Variants in ELF4 observed in about 807,000 individuals in gnomAD.
The protein encoded by ELF4 is E74 like ETS transcription factor 4, also known as ETS-related transcription factor Elf-4.
In ELF4, 10 loss-of-function variants were observed where a neutral mutation model predicts 31.7. That is an observed-to-expected ratio of 0.32 (90% CI 0.19 to 0.54). The LOEUF (loss-of-function observed/expected upper bound fraction) is 0.54, where lower values mean the gene tolerates loss of function less well. ELF4 is among the 20% of genes least tolerant of loss of function. The pLI, the probability that ELF4 is intolerant of heterozygous loss-of-function variation, is 0.95. For synonymous variants in ELF4, 208 were observed against 226.7 expected, an observed-to-expected ratio of 0.92 and a Z score of 0.74; for missense variants, 418 against 522.0, an observed-to-expected ratio of 0.80 and a Z score of 1.94.
chrX:130,079,539 A>G (rs1357309599), intron 2 of ELF4, among the ~76,000 whole-genome samples: 1 of 111,772 alleles, frequency 8.9e-6, no homozygotes. Context: ...GCAGGAGAGA[A>G]CAGATTAAGT....
At chrX:130,071,686 T>G (rs1229471856) in intron 5 of ELF4, among the ~76,000 whole-genome samples, 2 of 112,866 alleles carry the variant, frequency 1.8e-5, no homozygotes, top group Non-Finnish European at 3.8e-5. Context: ...TAGCCTAACT[T>G]CTGATACGGA....
chrX:130,065,196 ATAATAGAGTTGTT>A lies in ELF4; in HGVS notation c.*1512_*1524del, dbSNP rs1244930591. On this transcript the variant is annotated 3_prime_UTR_variant, in exon 9 of 9. Transcript: ENST00000308167. ...GATTCACATTACCCAAAGTCACCAG[ATAATAGAGTTGTT>A]TCCGTGGCTGACATTTCTTAGCCTT... 1 of 173,736 alleles carries A rather than the reference ATAATAGAGTTGTT, an allele frequency of 5.8e-6. No homozygotes were observed. The highest frequency in any genetic ancestry group is 1.1e-5 in the Non-Finnish European group (1 of 91,061). The allele number at this position is 173,736 out of a possible 1,213,427, so 14.3% of individuals were successfully genotyped here. A position where few individuals can be genotyped will look rare whatever the true frequency, so the allele number is the denominator to read the frequency against.
chrX:130,109,378 A>G (rs760243245), intron 1 of ELF4, among the ~76,000 whole-genome samples: 1 of 113,178 alleles, frequency 8.8e-6, no homozygotes, highest in East Asian at 2.8e-4. Context: ...GCTAATTAAA[A>G]TAATTAGCCA....
intron 1 of ELF4, among the ~76,000 whole-genome samples, chrX:130,104,175 T>C (rs901905919): frequency 9.9e-5 from 11 of 110,885 alleles, no homozygotes; most frequent in Non-Finnish European, 1.9e-4. Flanking sequence ...TGAATGATGC[T>C]CAAGATGAAA....
chrX:130,111,361 C>A (rs185266056), upstream of ELF4, among the ~76,000 whole-genome samples: 2,355 of 112,866 alleles, frequency 0.021, 35 homozygotes, highest in African/African-American at 0.055. Context: ...CCCCTCGGCC[C>A]GTGCAAGTGG....
chrX:130,074,158 G>T lies in ELF4; in HGVS notation c.248-17C>A, dbSNP rs1244033270. The stretch of plus-strand genomic sequence containing the variant: ...CATTGTCATCTGGTCCGGGTTCCAT[G>T]GTGGGAGGAGAGAAGAAAAGTTCCC... On this transcript the variant is annotated splice_polypyrimidine_tract_variant and intron_variant, in intron 3 of 8. Transcript: ENST00000308167. 14 of 1,206,593 alleles carry T rather than the reference G, an allele frequency of 1.2e-5. No homozygotes were observed. The highest frequency in any genetic ancestry group is 1.6e-5 in the Non-Finnish European group (14 of 892,598).
chrX:130,080,046 G>C (rs1932872530), intron 2 of ELF4, among the ~76,000 whole-genome samples: 1 of 112,080 alleles, frequency 8.9e-6, no homozygotes. Flanking sequence ...TTAGAATAGA[G>C]AGCATCTGAG....
intron 1 of ELF4, among the ~76,000 whole-genome samples, chrX:130,094,672 G>A (rs926051285): frequency 5.4e-5 from 6 of 111,004 alleles, no homozygotes; most frequent in East Asian, 2.8e-4. Context: ...TCCAGATAGG[G>A]CCCCGCCGCC....
intron 4 of ELF4, among the ~76,000 whole-genome samples, chrX:130,072,748 A>G: frequency 8.9e-6 from 1 of 112,299 alleles, no homozygotes; most frequent in East Asian, 2.8e-4. Context: ...CTTAGAGATC[A>G]TGTAGCCCCA....
intron 1 of ELF4, among the ~76,000 whole-genome samples, chrX:130,082,390 G>A (rs1295277898): frequency 8.9e-6 from 1 of 111,815 alleles, no homozygotes; most frequent in African/African-American, 3.3e-5. Flanking sequence ...GTGGGTTTGT[G>A]TTCTTGGTTT....
intron 2 of ELF4, 80 bp downstream of exon 2, chrX:130,081,176 T>C (rs1032356217): frequency 1.2e-5 from 13 of 1,087,877 alleles, no homozygotes; most frequent in Admixed American, 2.2e-5. Flanking sequence ...GCCAGCTGGC[T>C]CCCTGGCTGT....
At chrX:130,068,010 C>T (rs1932729007) in intron 8 of ELF4, among the ~76,000 whole-genome samples, 1 of 111,447 alleles carries the variant, frequency 9.0e-6, no homozygotes, top group African/African-American at 3.3e-5. Flanking sequence ...CAGAGTTTCA[C>T]CATGTTGGCC....
chrX:130,076,789 G>A (rs1932838917), intron 2 of ELF4, among the ~76,000 whole-genome samples: 1 of 111,237 alleles, frequency 9.0e-6, no homozygotes, highest in African/African-American at 3.3e-5. Flanking sequence ...CTACTTTTTT[G>A]TATTTTCCAA....
intron 1 of ELF4, among the ~76,000 whole-genome samples, chrX:130,084,504 TCC>T (rs758020348): frequency 3.6e-5 from 4 of 112,001 alleles, no homozygotes; most frequent in Non-Finnish European, 7.5e-5. Context: ...CTTTTCTGTG[TCC>T]ACATATTGAG....
rs186442927 is a variant in ELF4 at position 130,087,089 on chromosome X, A to G, written c.-209-5550T>C. On this transcript the variant is annotated intron_variant, in intron 1 of 8. Coordinates refer to ENST00000308167, the MANE Select transcript of ELF4 (RefSeq NM_001421.4). The stretch of plus-strand genomic sequence containing the variant: ...AGTGACAAAGAGAACCTATTTCCCC[A>G]GCTGCTCTGAGAAGGCCAAAAGAGC... Among the ~76,000 whole-genome samples, 34 of 113,008 alleles carry G rather than the reference A, an allele frequency of 3.0e-4. No individual in the cohort carries two copies. In the Admixed American group the frequency reaches 3.1e-3, roughly 10 times the overall value.
At chrX:130,101,665 A>C (rs190376623) in intron 1 of ELF4, among the ~76,000 whole-genome samples, 1,122 of 109,635 alleles carry the variant, frequency 0.01, 12 homozygotes, top group African/African-American at 0.034. Flanking sequence ...GTGGCGCATG[A>C]CTGTAATCCC....
In ELF4 at chrX:130,067,198, T is replaced by C; in HGVS notation, c.1515A>G (p.Thr505=). Residue 505 remains threonine, a synonymous_variant, in exon 9 of 9, where the codon ACA becomes ACG. Coordinates refer to ENST00000308167, the MANE Select transcript of ELF4 (RefSeq NM_001421.4). The part of the protein sequence containing the change: ...RPTNPAPPTV[T]GAGPAGPSSQ... ...AGCTGGGCCCTGCTGGTCCAGCCCC[T>C]GTGACCGTGGGTGGCGCCGGGTTGG... 1 of 1,210,118 alleles carries C rather than the reference T, an allele frequency of 8.3e-7. No individual in the cohort carries two copies. The highest frequency in any genetic ancestry group is 1.1e-6 in the Non-Finnish European group (1 of 894,253).
At chrX:130,069,782 G>A (rs1343727853) in intron 7 of ELF4, 105 bp from the exon 8 acceptor site, 1 of 1,106,858 alleles carries the variant, frequency 9.0e-7, no homozygotes, top group Non-Finnish European at 1.2e-6. Context: ...GCAAGCATGA[G>A]GCTGAGTGAG....
intron 2 of ELF4, among the ~76,000 whole-genome samples, chrX:130,080,982 A>T (rs1932882612): frequency 8.9e-6 from 1 of 112,788 alleles, no homozygotes; most frequent in Non-Finnish European, 1.9e-5. Context: ...CAGCTGATGT[A>T]CTTAGCAGAT....
Sources: gnomAD v4.1 joint callset for allele counts (sites outside exome capture counted in the v4.1 genomes callset) on GRCh38, gnomAD v4.1.1 for gene constraint, MANE v1.5 for transcripts, NCBI Gene and HGNC (gene_info 2026-07-23, HGNC 2026-07-21) for gene names.